Variants in DLEC1 observed in about 807,000 individuals in gnomAD.
The protein encoded by DLEC1 is DLEC1 cilia and flagella associated protein.
DLEC1 carries 146 observed loss-of-function variants against 198.1 expected under a neutral mutation model. That is an observed-to-expected ratio of 0.74 (90% CI 0.64 to 0.85). The LOEUF (loss-of-function observed/expected upper bound fraction) is 0.85, where lower values mean the gene tolerates loss of function less well. Ranked by LOEUF, DLEC1 falls within the 40% of genes least tolerant of loss-of-function variation. DLEC1 has a pLI of 0.00. For synonymous variants in DLEC1, 897 were observed against 866.8 expected (o/e 1.03, Z -0.61); for missense variants, 2,233 against 2,220.0 (o/e 1.01, Z -0.12).
chr3:38,077,524 T>C (rs966588805), intron 6 of DLEC1, among the ~76,000 whole-genome samples: 1 of 152,238 alleles, frequency 6.6e-6, no homozygotes, highest in East Asian at 1.9e-4. Context: ...GTTCTACTTT[T>C]CTTGAAGACA....
intron 6 of DLEC1, among the ~76,000 whole-genome samples, chr3:38,065,148 C>T (rs527550187): frequency 3.5e-4 from 54 of 152,366 alleles, no homozygotes; most frequent in African/African-American, 1.2e-3. Flanking sequence ...ACCAGCCCGG[C>T]CAGCACAGCG....
chr3:38,115,260 G>T (rs537183476), intron 27 of DLEC1, among the ~76,000 whole-genome samples: 113 of 152,286 alleles, frequency 7.4e-4, no homozygotes, highest in African/African-American at 2.3e-3. Context: ...CAATAAGAGG[G>T]GATCCCTTTC....
intron 6 of DLEC1, among the ~76,000 whole-genome samples, chr3:38,079,006 T>C (rs1269852909): frequency 6.6e-6 from 1 of 152,152 alleles, no homozygotes; most frequent in Non-Finnish European, 1.5e-5. Context: ...CAAAACATGC[T>C]GTGGGATGGG....
intron 10 of DLEC1, 86 bp downstream of exon 10, chr3:38,088,474 C>A: frequency 7.8e-7 from 1 of 1,281,814 alleles, no homozygotes. Flanking sequence ...GTGTCCAGTC[C>A]CATCCCATAT....
chr3:38,095,158 A>G, intron 13 of DLEC1, 87 bp downstream of exon 13: 1 of 1,523,744 alleles, frequency 6.6e-7, no homozygotes, highest in Admixed American at 1.8e-5. Context: ...CACTGAAGCC[A>G]CAGCTGGGCC....
At chr3:38,102,752 C>T (rs1030290534) in intron 19 of DLEC1, among the ~76,000 whole-genome samples, 2 of 152,146 alleles carry the variant, frequency 1.3e-5, no homozygotes, top group Non-Finnish European at 2.9e-5. Context: ...GGGAAAACAG[C>T]CCTAAACAAA....
At chr3:38,062,544 G>A (rs139083277) in intron 4 of DLEC1, 37 bp from the exon 5 acceptor site, 1 of 1,610,442 alleles carries the variant, frequency 6.2e-7, no homozygotes, top group African/African-American at 1.3e-5. Context: ...CAATCCCTTT[G>A]CCTGTCATTG....
intron 6 of DLEC1, among the ~76,000 whole-genome samples, chr3:38,082,591 G>A (rs569199432): frequency 5.3e-4 from 80 of 152,306 alleles, no homozygotes; most frequent in Non-Finnish European, 9.8e-4. Context: ...AAGGGATTGG[G>A]GGTTCTTGCC....
At chr3:38,043,771 G>A (rs1372286428) in intron 1 of DLEC1, among the ~76,000 whole-genome samples, 1 of 152,008 alleles carries the variant, frequency 6.6e-6, no homozygotes, top group Non-Finnish European at 1.5e-5. Flanking sequence ...TCAACTCACT[G>A]TAATCTCTGC....
intron 22 of DLEC1, chr3:38,109,801 G>A: frequency 2.7e-6 from 2 of 752,728 alleles, no homozygotes; most frequent in Non-Finnish European, 4.2e-6. Flanking sequence ...CTGGCAGGCA[G>A]GAGATGGCAG....
At chr3:38,071,031 T>C (rs983359192) in intron 6 of DLEC1, among the ~76,000 whole-genome samples, 3 of 151,798 alleles carry the variant, frequency 2.0e-5, no homozygotes, top group South Asian at 4.2e-4. Context: ...AGAGAGAGAA[T>C]GGGCGATGTT....
intron 18 of DLEC1, 121 bp from the exon 19 acceptor site, chr3:38,100,165 A>T (rs1180200768): frequency 1.6e-6 from 2 of 1,278,136 alleles, no homozygotes; most frequent in Non-Finnish European, 2.1e-6. Context: ...TGGATCCCAG[A>T]TGGCTCTTGG....
chr3:38,116,644 G>C lies in DLEC1; in HGVS notation c.4048G>C (p.Glu1350Gln). 1 of 1,614,140 alleles carries C rather than the reference G, an allele frequency of 6.2e-7. No individual in the cohort carries two copies. Among genetic ancestry groups the C allele is most frequent in the Non-Finnish European group, 8.5e-7 (1 of 1,179,982 alleles). Reference sequence around the variant, plus strand: ...CTCCAGTTCATCGGAATTCAGCCATGAAACTGACTCATCAGTGAGCAGGGG... The same window carrying C: ...CTCCAGTTCATCGGAATTCAGCCATCAAACTGACTCATCAGTGAGCAGGGG... Reference protein sequence around the residue: ...GPSSSSEFSHETDSSVEGSSS... With the variant: ...GPSSSSEFSHQTDSSVEGSSS... The change falls in exon 28 of 37, where the codon GAA becomes CAA. Residue 1350 changes from glutamate to glutamine, a missense_variant. By Grantham distance (29) the Glu-to-Gln change is conservative (BLOSUM62 2). Transcript: ENST00000308059.
At position 38,081,611 on chromosome 3, in the gene DLEC1, G is replaced by A. The variant is rs1225402291; in HGVS notation, c.1174-2547G>A. Among the ~76,000 whole-genome samples, 17 of 104,038 alleles carry A rather than the reference G, an allele frequency of 1.6e-4. 3 individuals carry two copies. Among genetic ancestry groups the A allele is most frequent in the South Asian group, 8.3e-4 (3 of 3,632 alleles). The allele number at this position is 104,038 out of a possible 152,430, so 68.3% of individuals were successfully genotyped here. A position where few individuals can be genotyped will look rare whatever the true frequency, so the allele number is the denominator to read the frequency against. ...TCCCGGACGGGGCGGCTGGCCGGGCGGAGGGCTGACCCCCCCACCTCCCTC... is the reference window on the plus strand; with the variant it reads ...TCCCGGACGGGGCGGCTGGCCGGGCAGAGGGCTGACCCCCCCACCTCCCTC... On this transcript the variant is annotated intron_variant, in intron 6 of 36. Coordinates refer to ENST00000308059, the MANE Select transcript of DLEC1 (RefSeq NM_007335.4).
At chr3:38,092,122 T>TA (rs1199447829) in intron 10 of DLEC1, among the ~76,000 whole-genome samples, 1 of 152,258 alleles carries the variant, frequency 6.6e-6, no homozygotes, top group African/African-American at 2.4e-5. Flanking sequence ...GTTCATTGTG[T>TA]CATTCACAAT....
intron 6 of DLEC1, 73 bp from the exon 7 acceptor site, chr3:38,084,085 G>C: frequency 6.9e-7 from 1 of 1,443,018 alleles, no homozygotes; most frequent in Non-Finnish European, 9.7e-7. Flanking sequence ...TCATATTAGA[G>C]TAAATCCTGG....
chr3:38,118,138 G>A, intron 33 of DLEC1, 114 bp downstream of exon 33: 1 of 1,197,892 alleles, frequency 8.3e-7, no homozygotes, highest in Non-Finnish European at 1.2e-6. Flanking sequence ...CTGCATGCCT[G>A]ACCCTGCCAT....
At chr3:38,056,114 C>A (rs888706386) in intron 2 of DLEC1, among the ~76,000 whole-genome samples, 12 of 109,502 alleles carry the variant, frequency 1.1e-4, no homozygotes, top group African/African-American at 3.8e-4. Context: ...CACACACACA[C>A]ACAAATAGCT....
At chr3:38,118,365 CCACA>C (rs1272931835) in intron 33 of DLEC1, among the ~76,000 whole-genome samples, 1 of 152,166 alleles carries the variant, frequency 6.6e-6, no homozygotes, top group Non-Finnish European at 1.5e-5. Flanking sequence ...CCTCCCCTTC[CCACA>C]CACACAGACT....
Sources: allele counts gnomAD v4.1 joint callset (sites outside exome capture counted in the v4.1 genomes callset), GRCh38; gene constraint gnomAD v4.1.1; transcripts MANE v1.5; gene names NCBI Gene and HGNC (gene_info 2026-07-23, HGNC 2026-07-21).